The following MTFR1 variants were observed in gnomAD, a reference collection of about 807,000 sequenced individuals.
The protein encoded by MTFR1 is chondrocyte protein with a poly-proline region.
Under a neutral mutation model 38.8 loss-of-function variants are expected in MTFR1, and 28 were observed. The ratio of observed to expected loss-of-function variants is 0.72; its 90% CI spans 0.53 to 0.99. MTFR1 has a LOEUF of 0.99. Ranked by LOEUF, MTFR1 falls within the 50% of genes least tolerant of loss-of-function variation. The pLI, the probability that MTFR1 is intolerant of heterozygous loss-of-function variation, is 0.00. For synonymous variants in MTFR1, 145 were observed against 137.0 expected, an observed-to-expected ratio of 1.06 and a Z score of -0.41; for missense variants, 358 against 395.5, an observed-to-expected ratio of 0.91 and a Z score of 0.81.
intron 2 of MTFR1, among the ~76,000 whole-genome samples, chr8:65,670,464 C>T (rs1241757966): frequency 6.6e-6 from 1 of 152,040 alleles, no homozygotes; most frequent in African/African-American, 2.4e-5. Flanking sequence ...AAAAAAGTTA[C>T]TATAATGATT....
At chr8:65,720,112 A>T (rs1806312817) in intron 3 of MTFR1, among the ~76,000 whole-genome samples, 1 of 152,224 alleles carries the variant, frequency 6.6e-6, no homozygotes. Context: ...CCAGAGACCT[A>T]TTTTATAAAC....
chr8:65,719,312 G>A lies in MTFR1; in HGVS notation c.382-68G>A, dbSNP rs756389915. 4.3e-6 allele frequency: 7 copies of A among 1,613,616 alleles called. No homozygotes were observed. In the Admixed American group the frequency reaches 8.3e-5, roughly 19 times the overall value. On this transcript the variant is annotated intron_variant, in intron 2 of 3. Coordinates refer to the MTFR1 transcript ENST00000521247. ...GGGTTATGATAACCGATTTTCCTGA[G>A]GTAATAACTGTGAGTTCAACTCAAA...
intron 3 of MTFR1, chr8:65,726,851 T>C (rs1383508585): frequency 7.7e-7 from 1 of 1,298,290 alleles, no homozygotes; most frequent in Admixed American, 1.8e-5. Context: ...AGTAACAAAT[T>C]AAATTTGTCT....
At chr8:65,749,417 T>C (rs1171495272) in intron 3 of MTFR1, among the ~76,000 whole-genome samples, 1 of 152,246 alleles carries the variant, frequency 6.6e-6, no homozygotes, top group Non-Finnish European at 1.5e-5. Context: ...CCATTTTTCA[T>C]TCCAGTGAGT....
chr8:65,755,786 ATTTC>A (rs1352124125), intron 3 of MTFR1, among the ~76,000 whole-genome samples: 1 of 152,044 alleles, frequency 6.6e-6, no homozygotes. Context: ...TCCCTTTAGC[ATTTC>A]TTTCTTATTC....
intron 3 of MTFR1, among the ~76,000 whole-genome samples, chr8:65,744,948 C>T (rs1463342097): frequency 6.6e-6 from 1 of 152,138 alleles, no homozygotes. Flanking sequence ...GCTGTGTCCC[C>T]AGCCAAATCT....
chr8:65,711,811 T>G (rs1360478793), downstream of MTFR1, among the ~76,000 whole-genome samples: 1 of 152,254 alleles, frequency 6.6e-6, no homozygotes, highest in Admixed American at 6.5e-5. Context: ...GAAGCCTTAA[T>G]GTTCCTAAAG....
At chr8:65,716,108 G>A (rs897169391) in intron 2 of MTFR1, among the ~76,000 whole-genome samples, 6 of 143,990 alleles carry the variant, frequency 4.2e-5, no homozygotes, top group Non-Finnish European at 7.5e-5. Flanking sequence ...CAGTGATCAT[G>A]CCACTGCACT....
chr8:65,760,860 C>G (rs566635817), intron 3 of MTFR1, among the ~76,000 whole-genome samples: 1 of 152,078 alleles, frequency 6.6e-6, no homozygotes, highest in Admixed American at 6.5e-5. Flanking sequence ...GTGAAAAAAG[C>G]AAATAGAGGC....
At chr8:65,668,901 A>G (rs891922322) in intron 1 of MTFR1, among the ~76,000 whole-genome samples, 1 of 152,188 alleles carries the variant, frequency 6.6e-6, no homozygotes, top group African/African-American at 2.4e-5. Flanking sequence ...CAACACTTCC[A>G]GTAAACTCGT....
At chr8:65,694,618 A>G (rs1053803585) in intron 4 of MTFR1, among the ~76,000 whole-genome samples, 2 of 152,216 alleles carry the variant, frequency 1.3e-5, no homozygotes, top group Non-Finnish European at 2.9e-5. Flanking sequence ...AAAGGGATCA[A>G]TCTGGATCAT....
intron 3 of MTFR1, among the ~76,000 whole-genome samples, chr8:65,730,996 C>T (rs1806861965): frequency 6.6e-6 from 1 of 152,092 alleles, no homozygotes; most frequent in Non-Finnish European, 1.5e-5. Context: ...TGATAAAGCC[C>T]ATATACAATA....
intron 3 of MTFR1, chr8:65,724,429 T>C: frequency 1.2e-6 from 1 of 846,104 alleles, no homozygotes; most frequent in Non-Finnish European, 1.9e-6. Context: ...GTGCAAGGAC[T>C]GGATTAACCA....
upstream of MTFR1, among the ~76,000 whole-genome samples, chr8:65,644,515 G>A (rs984731275): frequency 2.3e-4 from 35 of 152,222 alleles, no homozygotes; most frequent in African/African-American, 8.4e-4. Context: ...GACGGTGAAG[G>A]CACAAAGCAA....
intron 4 of MTFR1, among the ~76,000 whole-genome samples, chr8:65,697,738 C>T (rs533260262): frequency 6.6e-6 from 1 of 152,352 alleles, no homozygotes; most frequent in East Asian, 1.9e-4. Flanking sequence ...ATCCCTCTGG[C>T]AGTATATGGC....
intron 2 of MTFR1, among the ~76,000 whole-genome samples, chr8:65,678,815 A>G (rs7002494): frequency 0.19 from 29,178 of 151,828 alleles, 2,965 homozygotes; most frequent in Middle Eastern, 0.23. Context: ...AACCCAGGAG[A>G]TGGAAGTTTC....
intron 2 of MTFR1, among the ~76,000 whole-genome samples, chr8:65,681,517 TCTTTA>T (rs1473305227): frequency 2.0e-5 from 3 of 152,198 alleles, no homozygotes; most frequent in African/African-American, 7.2e-5. Context: ...ATACTACCTT[TCTTTA>T]CTTATTCTGT....
the MTFR1 span, among the ~76,000 whole-genome samples, chr8:65,776,898 G>A: frequency 2.0e-5 from 3 of 152,020 alleles, no homozygotes; most frequent in Non-Finnish European, 4.4e-5. Flanking sequence ...ATACTGAATA[G>A]GAAAGATGAT....
At chr8:65,670,102 A>G (rs1444527204) in intron 2 of MTFR1, 84 bp downstream of exon 2, 30 of 1,128,134 alleles carry the variant, frequency 2.7e-5, no homozygotes, top group Admixed American at 2.6e-4. Context: ...AAATCTATAT[A>G]TGACCAACAT....
Sources: gnomAD v4.1 joint callset for allele counts (sites outside exome capture counted in the v4.1 genomes callset) on GRCh38, gnomAD v4.1.1 for gene constraint, MANE v1.5 for transcripts, NCBI Gene and HGNC (gene_info 2026-07-23, HGNC 2026-07-21) for gene names.